The following TAB3 variants were observed in gnomAD, a reference collection of about 807,000 sequenced individuals.
TAB3 encodes TGF-beta-activated kinase 1 and MAP3K7-binding protein 3.
TAB3 carries 18 observed loss-of-function variants against 48.1 expected under a neutral mutation model. The ratio of observed to expected loss-of-function variants is 0.37; its 90% CI spans 0.26 to 0.55. The LOEUF (loss-of-function observed/expected upper bound fraction) is 0.55, where lower values mean the gene tolerates loss of function less well. Ranked by LOEUF, TAB3 falls within the 20% of genes least tolerant of loss-of-function variation. TAB3 has a pLI of 0.78. For synonymous variants in TAB3, 185 were observed against 190.2 expected, an observed-to-expected ratio of 0.97 and a Z score of 0.22; for missense variants, 414 against 549.8, an observed-to-expected ratio of 0.75 and a Z score of 2.47.
chrX:30,876,595 T>C (rs1939843893), intron 1 of TAB3, among the ~76,000 whole-genome samples: 1 of 111,453 alleles, frequency 9.0e-6, no homozygotes, highest in African/African-American at 3.3e-5. Flanking sequence ...AGCCTTGACC[T>C]CTGGGGCTCA....
chrX:30,872,977 CAAGTT>C (rs1433747841), intron 1 of TAB3, among the ~76,000 whole-genome samples: 1 of 111,050 alleles, frequency 9.0e-6, no homozygotes, highest in Non-Finnish European at 1.9e-5. Flanking sequence ...GATAAAGAAA[CAAGTT>C]AAACAATATC....
chrX:30,876,945 C>A (rs975311735), intron 1 of TAB3, among the ~76,000 whole-genome samples: 1 of 110,712 alleles, frequency 9.0e-6, no homozygotes, highest in African/African-American at 3.3e-5. Flanking sequence ...TAATCAGAAT[C>A]CCAGAAGGAA....
In TAB3 at chrX:30,854,458, T is replaced by C. The variant is rs769076238; in HGVS notation, c.1207A>G (p.Thr403Ala). The C allele has an allele frequency of 5.0e-6, 6 of 1,209,683 alleles. No individual in the cohort carries two copies. Among genetic ancestry groups the C allele is most frequent in the Admixed American group, 4.4e-5 (2 of 45,767 alleles). The change falls in exon 6 of 11, where the codon ACC (threonine) becomes GCC (alanine). Residue 403 changes from threonine (T) to alanine (A), a missense_variant. Physicochemically the swap from Thr to Ala is moderately conservative, Grantham distance 58 (BLOSUM62 0). Transcript: ENST00000288422. Reference sequence around the variant, plus strand: ...GAAGGAGAACTTGAAGGTGGCGTGGTGGCTGTGTACAGTGAGTGTTGATTC... The same window carrying C: ...GAAGGAGAACTTGAAGGTGGCGTGGCGGCTGTGTACAGTGAGTGTTGATTC... ...PRNQHSLYTA[T>A]TPPSSSPSRG... is the part of the protein sequence containing the mutation.
At chrX:30,854,028 T>C in intron 6 of TAB3, 88 bp downstream of exon 6, 1 of 1,004,274 alleles carries the variant, frequency 1.0e-6, no homozygotes, top group Non-Finnish European at 1.3e-6. Flanking sequence ...TACTAAACAT[T>C]TAATTAAAAC....
rs192150291 is a variant in TAB3, at chrX:30,878,340, A to C, written c.-382-6539T>G. 3.7e-5 allele frequency among the ~76,000 whole-genome samples: 4 copies of C among 109,401 alleles called. No homozygotes were observed. The East Asian group carries it at 1.1e-3, about 31-fold the overall frequency. ...ACCCCGTCTCTACTAAAAATACAAA[A>C]ATTACAAAAATTAGCCAGGTGTGGT... On this transcript the variant is annotated intron_variant, in intron 1 of 10. Coordinates refer to ENST00000288422, the MANE Select transcript of TAB3 (RefSeq NM_152787.5).
chrX:30,837,099 AGT>A (rs1233345553), intron 9 of TAB3, among the ~76,000 whole-genome samples: 2 of 84,921 alleles, frequency 2.4e-5, no homozygotes, highest in Non-Finnish European at 4.3e-5. Context: ...CCCACGTTGG[AGT>A]GCAGTGGTGC....
rs1040330227 is a variant in TAB3 at position 30,859,418 on chromosome X, C to T, written c.102+69G>A. 5.3e-6 allele frequency: 4 copies of T among 748,990 alleles called. No homozygotes were observed. In the African/African-American group the frequency reaches 7.2e-5, roughly 13 times the overall value. The allele number at this position is 748,990 out of a possible 1,213,427, so 61.7% of individuals were successfully genotyped here. On this transcript the variant is annotated intron_variant, in intron 5 of 10. Transcript: ENST00000288422. ...AGAAAACATACCTGGGTTCTAATTA[C>T]ATCACACATCACCAGCTCTAATAGG...
At chrX:30,871,831 T>G (rs935309232) in intron 1 of TAB3, 30 bp from the exon 2 acceptor site, 1 of 112,327 alleles carries the variant, frequency 8.9e-6, no homozygotes, top group African/African-American at 3.2e-5. Flanking sequence ...TGAGGTAAGA[T>G]TCAAACTGTG....
Position 30,836,578 on chromosome X carries a change from TA to T in TAB3, c.1889-2427del, listed in dbSNP as rs1417920545. 4.5e-5 allele frequency: 5 copies of T among 112,294 alleles called. 1 individual carries two copies. The South Asian group carries it at 1.9e-3, about 42-fold the overall frequency. The allele number at this position is 112,294 out of a possible 1,213,427, so 9.3% of individuals were successfully genotyped here. A position where few individuals can be genotyped will look rare whatever the true frequency, so the allele number is the denominator to read the frequency against. On this transcript the variant is annotated intron_variant, in intron 9 of 10. Coordinates refer to ENST00000288422, the MANE Select transcript of TAB3 (RefSeq NM_152787.5). ...GTCTTTCAGACCAGGAACAGTGACT[TA>T]TGCCTGTAATCGCAGCACTTTGGGA...
intron 9 of TAB3, among the ~76,000 whole-genome samples, chrX:30,841,306 T>C (rs1041069887): frequency 3.6e-5 from 4 of 110,485 alleles, no homozygotes; most frequent in Non-Finnish European, 7.6e-5. Context: ...TCCCAGCTAC[T>C]TGGGAGGCTG....
rs11316848 is a variant in TAB3 at position 30,833,830 on chromosome X, C to CAA, written c.1990+219_1990+220dup. On this transcript the variant is annotated intron_variant, in intron 10 of 10. Coordinates refer to ENST00000288422, the MANE Select transcript of TAB3 (RefSeq NM_152787.5). Reference sequence around the variant, plus strand: ...TGGCCTAAAGAGCGAGACTCCGTCTCAAAAAAAAAAAAAAAAAAAAAAATT... The same window carrying CAA: ...TGGCCTAAAGAGCGAGACTCCGTCTCAAAAAAAAAAAAAAAAAAAAAAAAATT... 7.1e-3 allele frequency among the ~76,000 whole-genome samples: 363 copies of CAA among 51,327 alleles called. 2 individuals are homozygous for CAA. The highest frequency in any genetic ancestry group is 0.01 in the Non-Finnish European group (282 of 28,000). The allele number at this position is 51,327 out of a possible 115,157, so 44.6% of individuals were successfully genotyped here.
chrX:30,870,015 A>T (rs1262361671), intron 2 of TAB3, among the ~76,000 whole-genome samples: 3 of 112,455 alleles, frequency 2.7e-5, no homozygotes, highest in Non-Finnish European at 5.6e-5. Context: ...AAATATGGTG[A>T]TATATTTTAA....
chrX:30,846,683 T>C, intron 7 of TAB3, 39 bp from the exon 8 acceptor site: 1 of 943,635 alleles, frequency 1.1e-6, no homozygotes. Flanking sequence ...TGTGGGAAAG[T>C]CATTATCAAG....
At chrX:30,876,029 A>G in intron 1 of TAB3, among the ~76,000 whole-genome samples, 1 of 112,099 alleles carries the variant, frequency 8.9e-6, no homozygotes, top group Non-Finnish European at 1.9e-5. Flanking sequence ...GCCAAAACAG[A>G]AGGACAAAAG....
intron 5 of TAB3, among the ~76,000 whole-genome samples, chrX:30,857,437 C>CT (rs1296128898): frequency 5.1e-4 from 53 of 103,406 alleles, no homozygotes; most frequent in African/African-American, 5.2e-4. Flanking sequence ...ATAAAGTATT[C>CT]TTTTTTTTTT....
intron 9 of TAB3, among the ~76,000 whole-genome samples, chrX:30,837,041 CTTTTTTT>C (rs370702875): frequency 2.7e-5 from 1 of 36,574 alleles, no homozygotes; most frequent in Non-Finnish European, 4.9e-5. Flanking sequence ...AAAATGACAT[CTTTTTTT>C]TTTTTTTTTT....
chrX:30,848,782 A>C (rs1011399784), intron 7 of TAB3, among the ~76,000 whole-genome samples: 1 of 111,702 alleles, frequency 9.0e-6, no homozygotes, highest in Non-Finnish European at 1.9e-5. Context: ...CCAACATTTC[A>C]AAATAAAAAA....
In TAB3 at chrX:30,852,421, A is replaced by G. The variant is rs757119745; in HGVS notation, c.1710+357T>C. ...TTTTAAATGTTTAAAAAATATATAT[A>G]TCATATGCTTAGAAGAATAAATGAA... is the stretch of plus-strand genomic sequence containing the variant. On this transcript the variant is annotated intron_variant, in intron 7 of 10. Coordinates refer to ENST00000288422, the MANE Select transcript of TAB3 (RefSeq NM_152787.5). Among the ~76,000 whole-genome samples, 4 of 106,535 alleles carry G rather than the reference A, an allele frequency of 3.8e-5. No individual in the cohort carries two copies. In the Admixed American group the frequency reaches 4.1e-4, roughly 11 times the overall value. The allele number at this position is 106,535 out of a possible 115,157, so 92.5% of individuals were successfully genotyped here.
At position 30,827,883 on chromosome X, in the gene TAB3, T is replaced by G. The variant is rs1937932537; in HGVS notation, c.*3544A>C. 8.9e-6 allele frequency: 1 copy of G among 112,256 alleles called. No individual in the cohort carries two copies. The highest frequency in any genetic ancestry group is 3.2e-5 in the African/African-American group (1 of 30,848). The allele number at this position is 112,256 out of a possible 1,213,427, so 9.3% of individuals were successfully genotyped here. On this transcript the variant is annotated 3_prime_UTR_variant, in exon 11 of 11. Transcript: ENST00000288422. ...GTGAAAACGTCATCAGAATTAACCT[T>G]TACAATAGGCAAATACTGTTAATTC...
Sources: gnomAD v4.1 joint callset for allele counts (sites outside exome capture counted in the v4.1 genomes callset) on GRCh38, gnomAD v4.1.1 for gene constraint, MANE v1.5 for transcripts, NCBI Gene and HGNC (gene_info 2026-07-23, HGNC 2026-07-21) for gene names.